Variants in GK5 observed in about 807,000 individuals in gnomAD.
GK5 encodes the protein ATP:glycerol 3-phosphotransferase 5.
In GK5, 39 loss-of-function variants were observed where a neutral mutation model predicts 77.3. That is an observed-to-expected ratio of 0.50 (90% CI 0.39 to 0.66). GK5 has a LOEUF of 0.66. Ranked by LOEUF, GK5 falls within the 30% of genes least tolerant of loss-of-function variation. GK5 has a pLI of 0.00. For synonymous variants in GK5, 211 were observed against 208.0 expected, an observed-to-expected ratio of 1.01 and a Z score of -0.13; for missense variants, 487 against 633.8, an observed-to-expected ratio of 0.77 and a Z score of 2.49.
In GK5 at chr3:142,164,605, C is replaced by G. The variant is rs1039739905; in HGVS notation, c.*1017G>C. ...CTCCTCCCTTCTATCAGCTGTCCCC[C>G]ACACATACTCACAGGGATGAGTAGA... is the stretch of plus-strand genomic sequence containing the variant. On this transcript the variant is annotated 3_prime_UTR_variant, in exon 16 of 16. Transcript: ENST00000392993. 1.3e-5 allele frequency: 2 copies of G among 152,212 alleles called. No individual in the cohort carries two copies. The highest frequency in any genetic ancestry group is 6.5e-5 in the Admixed American group (1 of 15,282). The allele number at this position is 152,212 out of a possible 1,614,324, so 9.4% of individuals were successfully genotyped here.
intron 12 of GK5, 144 bp downstream of exon 12, chr3:142,177,334 CATAA>C: frequency 1.7e-6 from 1 of 582,230 alleles, no homozygotes. Flanking sequence ...TTGGTCAGAG[CATAA>C]CTTCTCAGCC....
rs1294080566 is a variant in GK5 at position 142,186,636 on chromosome 3, T to C, written c.620-123A>G. ...ATTCCAAAATGTGTATTTTCTTTTT[T>C]TTTTTTTTTTTTTGAGACGGAGTTT... On this transcript the variant is annotated intron_variant, in intron 6 of 15. Transcript: ENST00000392993. 8 of 459,632 alleles carry C rather than the reference T, an allele frequency of 1.7e-5. No homozygotes were observed. In the Admixed American group the frequency reaches 2.1e-4, roughly 12 times the overall value. The allele number at this position is 459,632 out of a possible 1,614,324, so 28.5% of individuals were successfully genotyped here.
chr3:142,165,715 G>A lies in GK5; in HGVS notation c.1497C>T (p.Phe499=). The change falls in exon 16 of 16, where the codon TTC becomes TTT. Residue 499 remains phenylalanine, a synonymous_variant. Transcript: ENST00000392993. ...LKKLRQSEVV[F]KPQKKCQEYE... ...ATTCTTGACATTTCTTCTGTGGCTT[G>A]AAAACCACTTCACTTTGTCTCAGTT... The A allele has an allele frequency of 6.2e-7, 1 of 1,612,748 alleles. No individual in the cohort carries two copies. Among genetic ancestry groups the A allele is most frequent in the Non-Finnish European group, 8.5e-7 (1 of 1,179,222 alleles).
intron 3 of GK5, among the ~76,000 whole-genome samples, chr3:142,209,843 G>C (rs554330467): frequency 2.0e-4 from 30 of 152,238 alleles, no homozygotes; most frequent in Non-Finnish European, 3.5e-4. Context: ...GTGAATCCAG[G>C]CTCCCATGAC....
At chr3:142,177,369 T>G in intron 12 of GK5, 113 bp downstream of exon 12, 1 of 665,944 alleles carries the variant, frequency 1.5e-6, no homozygotes, top group Non-Finnish European at 2.7e-6. Flanking sequence ...CCTTTCATCT[T>G]AGTTCTGTTC....
At chr3:142,176,139 C>G (rs1159346381) in intron 12 of GK5, among the ~76,000 whole-genome samples, 1 of 151,944 alleles carries the variant, frequency 6.6e-6, no homozygotes, top group African/African-American at 2.4e-5. Context: ...AATTCACAAG[C>G]TCTCGGTCCT....
chr3:142,204,845 G>T, intron 3 of GK5, 57 bp from the exon 4 acceptor site: 1 of 984,300 alleles, frequency 1.0e-6, no homozygotes, highest in Non-Finnish European at 1.6e-6. Context: ...CTATGTTAAA[G>T]ATGTGCCATA....
Position 142,160,310 on chromosome 3 carries a change from G to GA in GK5, c.*5311dup, listed in dbSNP as rs1188718053. The GA allele has an allele frequency of 6.6e-6, 1 of 152,180 alleles. No homozygotes were observed. The highest frequency in any genetic ancestry group is 1.5e-5 in the Non-Finnish European group (1 of 68,036). 9.4% of individuals were successfully genotyped at this position (152,180 alleles called of 1,614,324 possible). A position where few individuals can be genotyped will look rare whatever the true frequency, so the allele number is the denominator to read the frequency against. On this transcript the variant is annotated 3_prime_UTR_variant, in exon 16 of 16. Coordinates refer to ENST00000392993, the MANE Select transcript of GK5 (RefSeq NM_001039547.3). ...TATCCTGGGGCTTTTAATTCTTACT[G>GA]AAAATCATAGTCTAAATTTCCCAAA...
chr3:142,209,946 T>A, intron 3 of GK5, among the ~76,000 whole-genome samples: 1 of 83,916 alleles, frequency 1.2e-5, no homozygotes. Context: ...ACAAAACAGC[T>A]CGTGATTTTT....
At chr3:142,205,078 A>G (rs1211241773) in intron 3 of GK5, among the ~76,000 whole-genome samples, 2 of 152,232 alleles carry the variant, frequency 1.3e-5, no homozygotes, top group African/African-American at 4.8e-5. Flanking sequence ...TTAAAAGCCA[A>G]TGCTTTTCCC....
chr3:142,182,908 A>T lies in GK5; in HGVS notation c.943+15T>A, dbSNP rs2107774841. Reference sequence around the variant, plus strand: ...GATATTTTATTAATAAATAGGATAAATCCTAACTACTTACCTCCAGTAGTC... The same window carrying T: ...GATATTTTATTAATAAATAGGATAATTCCTAACTACTTACCTCCAGTAGTC... On this transcript the variant is annotated intron_variant, in intron 10 of 15. Coordinates refer to ENST00000392993, the MANE Select transcript of GK5 (RefSeq NM_001039547.3). The T allele has an allele frequency of 6.3e-7, 1 of 1,583,292 alleles. No individual in the cohort carries two copies. Among genetic ancestry groups the T allele is most frequent in the East Asian group, 2.2e-5 (1 of 44,706 alleles).
At position 142,160,905 on chromosome 3, in the gene GK5, T is replaced by G. The variant is rs2063420578; in HGVS notation, c.*4717A>C. On this transcript the variant is annotated 3_prime_UTR_variant, in exon 16 of 16. Transcript: ENST00000392993. ...GGCTAATTTAAAAAAAATTTTTTTG[T>G]AGAGACAAGGTCTCACTTTGCTGCC... The G allele has an allele frequency of 6.6e-6, 1 of 152,096 alleles. No individual in the cohort carries two copies. Among genetic ancestry groups the G allele is most frequent in the Non-Finnish European group, 1.5e-5 (1 of 68,026 alleles). The allele number at this position is 152,096 out of a possible 1,614,324, so 9.4% of individuals were successfully genotyped here. A position where few individuals can be genotyped will look rare whatever the true frequency, so the allele number is the denominator to read the frequency against.
chr3:142,164,937 T>C lies in GK5; in HGVS notation c.*685A>G, dbSNP rs555208071. On this transcript the variant is annotated 3_prime_UTR_variant, in exon 16 of 16. Transcript: ENST00000392993. ...AAAATCAATATTCTTTCTAGTTCAT[T>C]AACTAAAATTAGTTTTTCAGTGTTT... is the stretch of plus-strand genomic sequence containing the variant. The C allele has an allele frequency of 6.5e-6, 1 of 152,740 alleles. No homozygotes were observed. Among genetic ancestry groups the C allele is most frequent in the Non-Finnish European group, 1.5e-5 (1 of 68,028 alleles). The allele number at this position is 152,740 out of a possible 1,614,324, so 9.5% of individuals were successfully genotyped here. A position where few individuals can be genotyped will look rare whatever the true frequency, so the allele number is the denominator to read the frequency against.
At chr3:142,225,251 A>T in intron 1 of GK5, 58 bp downstream of exon 1, 1 of 1,448,200 alleles carries the variant, frequency 6.9e-7, no homozygotes. Context: ...CCGAGGCCGG[A>T]CCCCGGGACT....
chr3:142,190,148 A>G (rs2063828584), intron 5 of GK5, among the ~76,000 whole-genome samples: 1 of 152,230 alleles, frequency 6.6e-6, no homozygotes, highest in South Asian at 2.1e-4. Context: ...ATAGCACATT[A>G]GAAACAATTG....
In GK5 at chr3:142,165,332, G is replaced by A. The variant is rs78642835; in HGVS notation, c.*290C>T. On this transcript the variant is annotated 3_prime_UTR_variant, in exon 16 of 16. Coordinates refer to ENST00000392993, the MANE Select transcript of GK5 (RefSeq NM_001039547.3). The stretch of plus-strand genomic sequence containing the variant: ...ACCACTGACCCAGTATAAAAAGGAA[G>A]AGGACCCATAACTGTCAAAATGTGG... 6,369 of 243,554 alleles carry A rather than the reference G, an allele frequency of 0.026. 103 individuals carry two copies. Among genetic ancestry groups the A allele is most frequent in the Middle Eastern group, 0.042 (32 of 770 alleles). 15.1% of individuals were successfully genotyped at this position (243,554 alleles called of 1,614,324 possible). A position where few individuals can be genotyped will look rare whatever the true frequency, so the allele number is the denominator to read the frequency against.
rs2064416819 is a variant in GK5, at chr3:142,225,514, C to T, written c.-59G>A. On this transcript the variant is annotated 5_prime_UTR_variant, in exon 1 of 16. Coordinates refer to ENST00000392993, the MANE Select transcript of GK5 (RefSeq NM_001039547.3). ...TACCCAGAGGGCGCGCTACAAATCC[C>T]AATGCTCCAGAGTCCCCGGGCGGCC... 5 of 1,564,446 alleles carry T rather than the reference C, an allele frequency of 3.2e-6. No individual in the cohort carries two copies. The East Asian group carries it at 1.2e-4, about 37-fold the overall frequency.
In GK5 at chr3:142,184,011, C is replaced by A. The variant is rs531414026; in HGVS notation, c.817-962G>T. ...CGGTGACTCACGCCTGTAATCCCAA[C>A]ACTTTGGGAGGCCGAGGTGGGCAAA... On this transcript the variant is annotated intron_variant, in intron 9 of 15. Coordinates refer to ENST00000392993, the MANE Select transcript of GK5 (RefSeq NM_001039547.3). Among the ~76,000 whole-genome samples, 194 of 151,840 alleles carry A rather than the reference C, an allele frequency of 1.3e-3. 1 individual carries two copies. In the Middle Eastern group the frequency reaches 0.014, roughly 11 times the overall value.
At chr3:142,212,557 G>C (rs1314548948) in intron 3 of GK5, among the ~76,000 whole-genome samples, 1 of 151,848 alleles carries the variant, frequency 6.6e-6, no homozygotes, top group Non-Finnish European at 1.5e-5. Flanking sequence ...AAAAGAAAAA[G>C]AAAGAAACAT....
Sources: allele counts gnomAD v4.1 joint callset (sites outside exome capture counted in the v4.1 genomes callset), GRCh38; gene constraint gnomAD v4.1.1; transcripts MANE v1.5; gene names NCBI Gene and HGNC (gene_info 2026-07-23, HGNC 2026-07-21).